The following FAF1 variants were observed in gnomAD, a reference collection of about 807,000 sequenced individuals.
The protein encoded by FAF1 is Fas associated factor 1.
Under a neutral mutation model 92.5 loss-of-function variants are expected in FAF1, and 25 were observed. The ratio of observed to expected loss-of-function variants is 0.27; its 90% CI spans 0.20 to 0.38. FAF1 has a LOEUF of 0.38. Ranked by LOEUF, FAF1 falls within the 10% of genes least tolerant of loss-of-function variation. The probability of loss-of-function intolerance (pLI) is 1.00; values close to 1 mark genes in which losing one functional copy is unlikely to be tolerated. For synonymous variants in FAF1, 234 were observed against 273.2 expected, an observed-to-expected ratio of 0.86 and a Z score of 1.42; for missense variants, 636 against 793.3, an observed-to-expected ratio of 0.80 and a Z score of 2.38.
intron 18 of FAF1, among the ~76,000 whole-genome samples, chr1:50,465,867 G>C (rs1013679506): frequency 1.3e-5 from 2 of 152,184 alleles, no homozygotes; most frequent in African/African-American, 2.4e-5. Context: ...CCTGAAGTAG[G>C]AACATGTTTC....
intron 1 of FAF1, among the ~76,000 whole-genome samples, chr1:50,933,930 G>A (rs1293291813): frequency 6.6e-6 from 1 of 152,160 alleles, no homozygotes; most frequent in East Asian, 1.9e-4. Flanking sequence ...CACGAGAATA[G>A]CAAGGGAAAG....
intron 9 of FAF1, among the ~76,000 whole-genome samples, chr1:50,587,568 T>C (rs1651293025): frequency 6.6e-6 from 1 of 152,232 alleles, no homozygotes; most frequent in South Asian, 2.1e-4. Flanking sequence ...GTATCTGTCA[T>C]GGCTGCCCTA....
intron 4 of FAF1, among the ~76,000 whole-genome samples, chr1:50,772,110 T>C (rs1354836709): frequency 6.6e-6 from 1 of 152,180 alleles, no homozygotes; most frequent in South Asian, 2.1e-4. Flanking sequence ...CATTTTTTTC[T>C]CAAGTTAATC....
chr1:50,460,808 A>ATGTGTGTG (rs61176999), intron 18 of FAF1, among the ~76,000 whole-genome samples: 5 of 146,910 alleles, frequency 3.4e-5, no homozygotes, highest in South Asian at 2.2e-4. Flanking sequence ...GTATTTGTAT[A>ATGTGTGTG]TGTGTGTGTG....
intron 2 of FAF1, among the ~76,000 whole-genome samples, chr1:50,833,147 T>C (rs968663323): frequency 5.3e-5 from 8 of 152,050 alleles, no homozygotes; most frequent in African/African-American, 1.9e-4. Flanking sequence ...TCAGACTCCG[T>C]AGGTTTAAAA....
At chr1:50,519,364 G>C (rs908654701) in intron 15 of FAF1, among the ~76,000 whole-genome samples, 17 of 108,976 alleles carry the variant, frequency 1.6e-4, no homozygotes, top group Admixed American at 4.6e-4. Flanking sequence ...AGGAAGGAAG[G>C]AAGGAAGGAG....
chr1:50,452,952 T>A (rs1273802701), intron 18 of FAF1, among the ~76,000 whole-genome samples: 1 of 152,234 alleles, frequency 6.6e-6, no homozygotes, highest in African/African-American at 2.4e-5. Flanking sequence ...GTCTATCTCC[T>A]TCACACTTCC....
chr1:50,573,937 G>C (rs1157554161), intron 12 of FAF1, among the ~76,000 whole-genome samples: 1 of 152,010 alleles, frequency 6.6e-6, no homozygotes, highest in Non-Finnish European at 1.5e-5. Flanking sequence ...AGACCAGCCT[G>C]GCCAACAGGG....
At chr1:50,776,523 ATTTT>A (rs200940170) in intron 4 of FAF1, among the ~76,000 whole-genome samples, 1 of 152,012 alleles carries the variant, frequency 6.6e-6, no homozygotes, top group South Asian at 2.1e-4. Context: ...TAAGCAGAGG[ATTTT>A]TTTTAGTTGA....
At chr1:50,832,947 T>C (rs1200192210) in intron 2 of FAF1, among the ~76,000 whole-genome samples, 1 of 152,204 alleles carries the variant, frequency 6.6e-6, no homozygotes, top group Non-Finnish European at 1.5e-5. Flanking sequence ...CTTCAAATCT[T>C]GGAGTCCTTT....
At chr1:50,762,748 C>G (rs1228412224) in intron 4 of FAF1, among the ~76,000 whole-genome samples, 1 of 151,890 alleles carries the variant, frequency 6.6e-6, no homozygotes, top group Non-Finnish European at 1.5e-5. Flanking sequence ...AGAAGAAAAC[C>G]TAGGCATTAC....
At chr1:50,528,464 A>C (rs141262610) in intron 15 of FAF1, among the ~76,000 whole-genome samples, 43 of 152,320 alleles carry the variant, frequency 2.8e-4, no homozygotes, top group Admixed American at 2.4e-3. Context: ...AAATGTTCTA[A>C]GAAACACTGA....
intron 3 of FAF1, among the ~76,000 whole-genome samples, chr1:50,795,555 G>A (rs116065283): frequency 1.5e-3 from 228 of 152,244 alleles, no homozygotes; most frequent in Admixed American, 3.3e-3. Context: ...CAAAGCTTGG[G>A]GGTCCTCCTT....
intron 15 of FAF1, among the ~76,000 whole-genome samples, chr1:50,531,827 G>A (rs1648187427): frequency 6.6e-6 from 1 of 151,938 alleles, no homozygotes; most frequent in South Asian, 2.1e-4. Flanking sequence ...TTCAGGCTTG[G>A]GTTTATTTAA....
Position 50,960,103 on chromosome 1 carries a change from C to A in FAF1, c.-292G>T. The stretch of plus-strand genomic sequence containing the variant: ...CTGGATGTGGGTCCGGTCTTACAGT[C>A]GCGGGCCAGGATGAGGGCAGGTTGC... On this transcript the variant is annotated 5_prime_UTR_variant, in exon 1 of 19. Transcript: ENST00000396153. The A allele has an allele frequency of 2.6e-6, 1 of 388,640 alleles. No individual in the cohort carries two copies. Among genetic ancestry groups the A allele is most frequent in the South Asian group, 1.3e-4 (1 of 7,698 alleles). The allele number at this position is 388,640 out of a possible 1,614,324, so 24.1% of individuals were successfully genotyped here. A position where few individuals can be genotyped will look rare whatever the true frequency, so the allele number is the denominator to read the frequency against.
At chr1:50,846,321 G>A (rs1031506221) in intron 2 of FAF1, 13 of 272,712 alleles carry the variant, frequency 4.8e-5, no homozygotes, top group Admixed American at 2.9e-4. Flanking sequence ...GCATGAGGGG[G>A]CCCAGGCTCA....
chr1:50,957,645 C>A (rs1326272760), intron 1 of FAF1, among the ~76,000 whole-genome samples: 1 of 152,028 alleles, frequency 6.6e-6, no homozygotes, highest in Non-Finnish European at 1.5e-5. Context: ...AGCCACCATG[C>A]CCGGCCGAAA....
At chr1:50,581,252 TC>T (rs1409879550) in intron 12 of FAF1, among the ~76,000 whole-genome samples, 1 of 152,228 alleles carries the variant, frequency 6.6e-6, no homozygotes. Context: ...TACTCTAAAT[TC>T]ATTAGACTGT....
chr1:50,626,878 A>G (rs1037198618), intron 8 of FAF1, among the ~76,000 whole-genome samples: 1 of 152,146 alleles, frequency 6.6e-6, no homozygotes, highest in African/African-American at 2.4e-5. Context: ...AATGGGAGAT[A>G]TGTAGGAGCT....
Sources: allele counts gnomAD v4.1 joint callset (sites outside exome capture counted in the v4.1 genomes callset), GRCh38; gene constraint gnomAD v4.1.1; transcripts MANE v1.5; gene names NCBI Gene and HGNC (gene_info 2026-07-23, HGNC 2026-07-21).